DPH6: variants seen among roughly 807,000 people sequenced by gnomAD.
DPH6 encodes diphthamine biosynthesis 6.
A neutral mutation model predicts 38.2 loss-of-function variants in DPH6; 33 were observed. The ratio of observed to expected loss-of-function variants is 0.86; its 90% CI spans 0.65 to 1.15. The LOEUF (loss-of-function observed/expected upper bound fraction) is 1.15. Among genes scored for constraint, DPH6 ranks in the 50% most tolerant of loss-of-function variants. The pLI is 0.00. For synonymous variants in DPH6, 108 were observed against 103.0 expected, an observed-to-expected ratio of 1.05 and a Z score of -0.30; for missense variants, 325 against 320.0, an observed-to-expected ratio of 1.02 and a Z score of -0.12.
intron 3 of DPH6, among the ~76,000 whole-genome samples, chr15:35,294,060 G>A (rs990763068): frequency 3.3e-5 from 5 of 152,160 alleles, no homozygotes; most frequent in South Asian, 4.1e-4. Context: ...CCCTTTCTCA[G>A]TGAACTGGCT....
chr15:35,383,760 G>A (rs1283781249), intron 6 of DPH6, among the ~76,000 whole-genome samples: 1 of 152,140 alleles, frequency 6.6e-6, no homozygotes, highest in East Asian at 1.9e-4. Context: ...CAAGCTTCAA[G>A]CTCTAATAGA....
intron 6 of DPH6, among the ~76,000 whole-genome samples, chr15:35,389,130 T>C (rs1042484923): frequency 1.3e-5 from 2 of 152,230 alleles, no homozygotes; most frequent in African/African-American, 4.8e-5. Flanking sequence ...GGTTGTTCAG[T>C]TTCCATGTAG....
At chr15:35,471,659 G>C (rs993974126) in intron 3 of DPH6, among the ~76,000 whole-genome samples, 2 of 151,796 alleles carry the variant, frequency 1.3e-5, no homozygotes, top group Non-Finnish European at 2.9e-5. Flanking sequence ...TCTCCATTTG[G>C]AATTTTCTAT....
chr15:35,250,612 GT>G (rs139234638), intron 3 of DPH6, among the ~76,000 whole-genome samples: 1 of 151,802 alleles, frequency 6.6e-6, no homozygotes, highest in Non-Finnish European at 1.5e-5. Context: ...TCAGAGAAAT[GT>G]TTTTTTCAAG....
chr15:35,391,804 C>G (rs959719460), intron 6 of DPH6, among the ~76,000 whole-genome samples: 1 of 152,194 alleles, frequency 6.6e-6, no homozygotes, highest in Non-Finnish European at 1.5e-5. Flanking sequence ...TGAGGTGATG[C>G]CTCGCCCTGC....
chr15:35,214,665 C>T (rs140329047), downstream of DPH6, among the ~76,000 whole-genome samples: 33 of 152,166 alleles, frequency 2.2e-4, no homozygotes, highest in African/African-American at 6.0e-4. Context: ...TGGAGTGCAG[C>T]GGCACGATCT....
chr15:35,273,811 T>C (rs1428715942), intron 3 of DPH6, among the ~76,000 whole-genome samples: 2 of 152,212 alleles, frequency 1.3e-5, no homozygotes, highest in African/African-American at 4.8e-5. Flanking sequence ...ATCAATATCA[T>C]GAAAATGGCC....
chr15:35,531,587 C>G (rs1054134614), intron 3 of DPH6, among the ~76,000 whole-genome samples: 1 of 152,236 alleles, frequency 6.6e-6, no homozygotes, highest in African/African-American at 2.4e-5. Flanking sequence ...AATTCTCTCG[C>G]CTCAGCCTCC....
chr15:35,335,239 T>G (rs567506911), intron 3 of DPH6, among the ~76,000 whole-genome samples: 1 of 152,218 alleles, frequency 6.6e-6, no homozygotes, highest in East Asian at 1.9e-4. Flanking sequence ...TGCCCACTTT[T>G]TAATGGGGTT....
the DPH6 span, among the ~76,000 whole-genome samples, chr15:35,148,893 C>T: frequency 2.0e-5 from 3 of 152,176 alleles, no homozygotes; most frequent in African/African-American, 7.2e-5. Flanking sequence ...ACACTATTAG[C>T]ATTACCTATG....
intron 4 of DPH6, among the ~76,000 whole-genome samples, chr15:35,452,255 A>C (rs962144652): frequency 6.6e-6 from 1 of 152,220 alleles, no homozygotes; most frequent in African/African-American, 2.4e-5. Flanking sequence ...ATAATTGTTT[A>C]ATGAATTAAA....
At chr15:35,311,878 A>T (rs772770423) in intron 3 of DPH6, among the ~76,000 whole-genome samples, 2 of 152,180 alleles carry the variant, frequency 1.3e-5, no homozygotes, top group Non-Finnish European at 2.9e-5. Flanking sequence ...ACATTTCTGC[A>T]CTGTGTGGGA....
chr15:35,463,201 G>A (rs1335465912), intron 3 of DPH6, among the ~76,000 whole-genome samples: 12 of 152,076 alleles, frequency 7.9e-5, no homozygotes, highest in Non-Finnish European at 7.4e-5. Flanking sequence ...ATGAGTGTAT[G>A]GGGAATTGCA....
intron 5 of DPH6, among the ~76,000 whole-genome samples, chr15:35,447,438 C>G (rs2053869631): frequency 6.6e-6 from 1 of 151,962 alleles, no homozygotes; most frequent in Non-Finnish European, 1.5e-5. Context: ...CTTATACGTC[C>G]CCCCCCGCCA....
At chr15:35,432,944 C>A (rs2053650649) in intron 5 of DPH6, among the ~76,000 whole-genome samples, 1 of 151,972 alleles carries the variant, frequency 6.6e-6, no homozygotes, top group African/African-American at 2.4e-5. Context: ...ATGACTAAAT[C>A]ATTTAAACAC....
chr15:35,516,102 T>C (rs961295350), intron 3 of DPH6, among the ~76,000 whole-genome samples: 1 of 152,142 alleles, frequency 6.6e-6, no homozygotes, highest in Non-Finnish European at 1.5e-5. Flanking sequence ...TTTGAGATCA[T>C]ATTCATCACT....
chr15:35,220,520 T>C (rs1449978400), exon 4 of DPH6: 1 of 152,198 alleles, frequency 6.6e-6, no homozygotes, highest in Non-Finnish European at 1.5e-5. Context: ...AAGTCCACTA[T>C]AAAGATGCCA....
At chr15:35,348,850 T>C (rs72703141) in intron 3 of DPH6, among the ~76,000 whole-genome samples, 4,207 of 152,246 alleles carry the variant, frequency 0.028, 94 homozygotes, top group African/African-American at 0.057. Context: ...TCTCAGTGTA[T>C]ACGTTTTTTT....
At chr15:35,359,046 C>T (rs1049705649) in intron 3 of DPH6, among the ~76,000 whole-genome samples, 3 of 151,874 alleles carry the variant, frequency 2.0e-5, no homozygotes, top group Non-Finnish European at 4.4e-5. Flanking sequence ...TCTCCGTGGG[C>T]GTGTCTTGCT....
Sources: allele counts gnomAD v4.1 joint callset (sites outside exome capture counted in the v4.1 genomes callset), GRCh38; gene constraint gnomAD v4.1.1; transcripts MANE v1.5; gene names NCBI Gene and HGNC (gene_info 2026-07-23, HGNC 2026-07-21).